Variants in SIN3A observed in about 807,000 individuals in gnomAD.
SIN3A encodes SIN3 transcription regulator family member A.
SIN3A carries 14 observed loss-of-function variants against 146.1 expected under a neutral mutation model. That is an observed-to-expected ratio of 0.10 (90% confidence interval 0.06 to 0.15). SIN3A has a LOEUF of 0.15. SIN3A is among the 10% of genes least tolerant of loss of function. The probability of loss-of-function intolerance (pLI) is 1.00; values close to 1 mark genes in which losing one functional copy is unlikely to be tolerated. For missense variants in SIN3A, 1,028 were observed against 1,576.0 expected, an observed-to-expected ratio of 0.65 and a Z score of 5.89; for synonymous variants, 572 against 572.0, an observed-to-expected ratio of 1.00 and a Z score of 0.00.
At chr15:75,387,937 A>G (rs1432806893) in intron 16 of SIN3A, among the ~76,000 whole-genome samples, 1 of 152,206 alleles carries the variant, frequency 6.6e-6, no homozygotes, top group Non-Finnish European at 1.5e-5. Context: ...AACTTCTTCA[A>G]CTTATTGGAA....
In SIN3A at chr15:75,376,138, G is replaced by A. The variant is rs184168377; in HGVS notation, c.3384-266C>T. Reference sequence around the variant, plus strand: ...TTTAATGAGAAACTTCTAGGCCTCTGTCTGTAAATTTACACATGTAATTAC... The same window carrying A: ...TTTAATGAGAAACTTCTAGGCCTCTATCTGTAAATTTACACATGTAATTAC... On this transcript the variant is annotated intron_variant, in intron 19 of 20. Coordinates refer to ENST00000394947, the MANE Select transcript of SIN3A (RefSeq NM_001145358.2). 7 of 516,876 alleles carry A rather than the reference G, an allele frequency of 1.4e-5. No homozygotes were observed. In the East Asian group the frequency reaches 2.0e-4, roughly 15 times the overall value. 32.0% of individuals were successfully genotyped at this position (516,876 alleles called of 1,614,324 possible).
At chr15:75,409,423 G>A (rs2073583474) in intron 8 of SIN3A, among the ~76,000 whole-genome samples, 1 of 151,840 alleles carries the variant, frequency 6.6e-6, no homozygotes, top group African/African-American at 2.4e-5. Context: ...AAATATCTAG[G>A]ACCCAACCGT....
chr15:75,386,350 C>T (rs539331752), intron 16 of SIN3A, among the ~76,000 whole-genome samples: 110 of 152,308 alleles, frequency 7.2e-4, no homozygotes, highest in Admixed American at 5.5e-3. Context: ...TTGAAGTAGA[C>T]TGTATTACTG....
At chr15:75,410,680 A>G (rs2073618125) in intron 6 of SIN3A, among the ~76,000 whole-genome samples, 1 of 152,230 alleles carries the variant, frequency 6.6e-6, no homozygotes, top group South Asian at 2.1e-4. Context: ...CCTACTGTAC[A>G]TTAACTAGAC....
intron 3 of SIN3A, among the ~76,000 whole-genome samples, chr15:75,416,834 C>T (rs774398316): frequency 8.5e-5 from 13 of 152,208 alleles, no homozygotes; most frequent in Non-Finnish European, 1.6e-4. Context: ...ACTGAAATGG[C>T]AGCCCTCAAA....
intron 1 of SIN3A, among the ~76,000 whole-genome samples, chr15:75,439,793 A>G (rs952981596): frequency 2.6e-5 from 4 of 152,012 alleles, no homozygotes; most frequent in African/African-American, 7.2e-5. Flanking sequence ...CTTGATCTGT[A>G]AAACTCTTCT....
chr15:75,411,080 G>A (rs2073629200), intron 6 of SIN3A, among the ~76,000 whole-genome samples: 2 of 152,120 alleles, frequency 1.3e-5, no homozygotes, highest in Non-Finnish European at 1.5e-5. Context: ...TGCAATCCCA[G>A]CACTTTGGGA....
intron 3 of SIN3A, chr15:75,422,370 G>A (rs1041235725): frequency 1.7e-6 from 1 of 601,516 alleles, no homozygotes; most frequent in Non-Finnish European, 2.9e-6. Flanking sequence ...TGAATTTTAA[G>A]GTTTATTTTG....
chr15:75,441,187 A>G (rs1322211409), intron 1 of SIN3A, among the ~76,000 whole-genome samples: 2 of 151,850 alleles, frequency 1.3e-5, no homozygotes, highest in Non-Finnish European at 2.9e-5. Flanking sequence ...GCGTGTGCCT[A>G]TAATCCCAGC....
At position 75,396,310 on chromosome 15, in the gene SIN3A, T is replaced by C. The variant is rs1399759289; in HGVS notation, c.2041A>G (p.Ile681Val). The change falls in exon 13 of 21, where the codon ATT becomes GTT. Residue 681 changes from isoleucine to valine, a missense_variant. Transcript: ENST00000394947. ...RIYADKAADI[I>V]DGLRKNPSIA... is the part of the protein sequence containing the mutation. The stretch of plus-strand genomic sequence containing the variant: ...GAGGGATTCTTTCTCAGACCATCAA[T>C]GATGTCAGCTGCTTTATCAGCATAT... 4.3e-6 allele frequency: 7 copies of C among 1,614,210 alleles called. No homozygotes were observed. In the East Asian group the frequency reaches 1.6e-4, roughly 36 times the overall value.
At position 75,430,333 on chromosome 15, in the gene SIN3A, C is replaced by T. The variant is rs376996093; in HGVS notation, c.43G>A (p.Ala15Thr). 5 of 1,613,876 alleles carry T rather than the reference C, an allele frequency of 3.1e-6. No homozygotes were observed. Among genetic ancestry groups the T allele is most frequent in the Non-Finnish European group, 4.2e-6 (5 of 1,179,970 alleles). ...CTGCCAGGGATCCGACGCTGCTGGG[C>T]TGCATACACCGGTGACTCCTGGTCA... ...LDDQESPVYA[A>T]QQRRIPGSTE... Residue 15 changes from alanine to threonine, a missense_variant, in exon 2 of 21, where the codon GCC (alanine) becomes ACC (threonine). Transcript: ENST00000394947.
intron 10 of SIN3A, 118 bp from the exon 11 acceptor site, chr15:75,401,058 C>T: frequency 1.4e-6 from 1 of 697,442 alleles, no homozygotes; most frequent in Non-Finnish European, 2.4e-6. Flanking sequence ...GAATTATTTC[C>T]TGCCTAAGAA....
rs1567371267 is a variant in SIN3A, at chr15:75,412,925, G to A, written c.594C>T (p.Asp198=). 2 of 1,614,070 alleles carry A rather than the reference G, an allele frequency of 1.2e-6. No homozygotes were observed. The highest frequency in any genetic ancestry group is 1.7e-6 in the Non-Finnish European group (2 of 1,180,010). The part of the protein sequence containing the change: ...PGYKIEVQTN[D]MVNVTTPGQV... ...GGCCAGGAGTTGTCACATTCACCAT[G>A]TCATTGGTTTGCACCTCAATTTTGT... is the stretch of plus-strand genomic sequence containing the variant. The change falls in exon 5 of 21, where the codon GAC becomes GAT. Residue 198 remains aspartate (D), a synonymous_variant. Coordinates refer to ENST00000394947, the MANE Select transcript of SIN3A (RefSeq NM_001145358.2).
intron 9 of SIN3A, among the ~76,000 whole-genome samples, chr15:75,405,890 T>C (rs1358852141): frequency 6.6e-6 from 1 of 152,236 alleles, no homozygotes; most frequent in East Asian, 1.9e-4. Context: ...CATTTATTGG[T>C]TGTGATCTAG....
intron 1 of SIN3A, chr15:75,436,461 A>T (rs1184792838): frequency 2.0e-5 from 3 of 152,158 alleles, no homozygotes; most frequent in Non-Finnish European, 4.4e-5. Context: ...AAAAAGAAAA[A>T]TGCTATAAAC....
chr15:75,418,128 T>A (rs1459162042), intron 3 of SIN3A, among the ~76,000 whole-genome samples: 2 of 151,690 alleles, frequency 1.3e-5, no homozygotes, highest in African/African-American at 4.8e-5. Flanking sequence ...GCCTCCCGGG[T>A]TCAAGCGATT....
intron 1 of SIN3A, among the ~76,000 whole-genome samples, chr15:75,442,294 C>T (rs2074229697): frequency 6.6e-6 from 1 of 151,016 alleles, no homozygotes. Context: ...AGAATACTAT[C>T]ATACATCTTT....
chr15:75,391,473 A>AT (rs1016836622), intron 15 of SIN3A, among the ~76,000 whole-genome samples: 5 of 151,488 alleles, frequency 3.3e-5, no homozygotes, highest in Non-Finnish European at 7.4e-5. Flanking sequence ...AGCTAGGGCC[A>AT]TATCTGGGCT....
At chr15:75,435,107 C>G (rs2074083843) in intron 1 of SIN3A, among the ~76,000 whole-genome samples, 1 of 151,876 alleles carries the variant, frequency 6.6e-6, no homozygotes, top group Non-Finnish European at 1.5e-5. Flanking sequence ...AATGTGCATA[C>G]CCATCCCATG....
Sources: allele counts gnomAD v4.1 joint callset (sites outside exome capture counted in the v4.1 genomes callset), GRCh38; gene constraint gnomAD v4.1.1; transcripts MANE v1.5; gene names NCBI Gene and HGNC (gene_info 2026-07-23, HGNC 2026-07-21).